The following PRKN variants were observed in gnomAD, a reference collection of about 807,000 sequenced individuals.
PRKN encodes parkin RBR E3 ubiquitin protein ligase.
PRKN carries 56 observed loss-of-function variants against 59.5 expected under a neutral mutation model. That is an observed-to-expected ratio of 0.94 (90% CI 0.76 to 1.18). The LOEUF is 1.18. Among genes scored for constraint, PRKN ranks in the 50% most tolerant of loss-of-function variants. The pLI is 0.00. For missense variants in PRKN, 657 were observed against 596.4 expected (o/e 1.10, Z -1.06); for synonymous variants, 250 against 222.1 (o/e 1.13, Z -1.12).
chr6:161,715,965 G>A, intron 7 of PRKN: 1 of 496,072 alleles, frequency 2.0e-6, no homozygotes, highest in East Asian at 6.8e-5. Flanking sequence ...TAGACAGACT[G>A]GGTGAGAAGC....
chr6:162,401,661 G>A (rs966138940), intron 2 of PRKN, among the ~76,000 whole-genome samples: 2 of 152,056 alleles, frequency 1.3e-5, no homozygotes, highest in Non-Finnish European at 2.9e-5. Context: ...ACCATCATAA[G>A]TTGAGCATCA....
Position 162,402,312 on chromosome 6 carries a change from T to C in PRKN, c.171+40998A>G, listed in dbSNP as rs115131712. Among the ~76,000 whole-genome samples the C allele has an allele frequency of 6.6e-3, 1,003 of 152,152 alleles. 7 individuals are homozygous for C. Among genetic ancestry groups the C allele is most frequent in the Middle Eastern group, 0.014 (4 of 292 alleles). ...CCGATAAGCAGTATTATTCCAGCGTTTGCCAACCATGCTCAGGCATGGAGA... is the reference window on the plus strand; with the variant it reads ...CCGATAAGCAGTATTATTCCAGCGTCTGCCAACCATGCTCAGGCATGGAGA... On this transcript the variant is annotated intron_variant, in intron 2 of 11. Coordinates refer to ENST00000366898, the MANE Select transcript of PRKN (RefSeq NM_004562.3).
chr6:161,984,414 T>C (rs951326758), intron 5 of PRKN, among the ~76,000 whole-genome samples: 28 of 151,962 alleles, frequency 1.8e-4, no homozygotes, highest in Admixed American at 1.7e-3. Context: ...TGTGCTACCA[T>C]GCTGGGTTAA....
chr6:161,756,638 T>C (rs1788939696), intron 7 of PRKN, among the ~76,000 whole-genome samples: 1 of 151,830 alleles, frequency 6.6e-6, no homozygotes, highest in African/African-American at 2.4e-5. Context: ...TTTATGTCTT[T>C]CTTTTTTTTA....
At position 162,054,260 on chromosome 6, in the gene PRKN, T is replaced by A. The variant is rs1240582847; in HGVS notation, c.535-86A>T. The A allele has an allele frequency of 3.4e-6, 3 of 879,276 alleles. No individual in the cohort carries two copies. In the Admixed American group the frequency reaches 5.8e-5, roughly 17 times the overall value. The allele number at this position is 879,276 out of a possible 1,614,324, so 54.5% of individuals were successfully genotyped here. A position where few individuals can be genotyped will look rare whatever the true frequency, so the allele number is the denominator to read the frequency against. ...ACATGTTTCCACTTATGTTATAAAA[T>A]AATAGTGAAATTAGTGTGTAGTCCA... is the stretch of plus-strand genomic sequence containing the variant. On this transcript the variant is annotated intron_variant, in intron 4 of 11. Coordinates refer to ENST00000366898, the MANE Select transcript of PRKN (RefSeq NM_004562.3).
chr6:161,771,396 A>AAAAAAAAAAAAAAAAT (rs1562671030), intron 7 of PRKN, among the ~76,000 whole-genome samples: 2 of 148,288 alleles, frequency 1.3e-5, no homozygotes, highest in South Asian at 2.2e-4. Flanking sequence ...ATAAAATAAA[A>AAAAAAAAAAAAAAAAT]TAAAAGCACT....
At chr6:162,683,863 C>A (rs1281264530) in intron 1 of PRKN, among the ~76,000 whole-genome samples, 1 of 152,052 alleles carries the variant, frequency 6.6e-6, no homozygotes, top group Non-Finnish European at 1.5e-5. Flanking sequence ...GAAAGAAATT[C>A]ATTTGAAAAA....
intron 3 of PRKN, among the ~76,000 whole-genome samples, chr6:162,241,202 A>G (rs186039820): frequency 1.6e-3 from 244 of 152,246 alleles, no homozygotes; most frequent in African/African-American, 4.6e-3. Flanking sequence ...TTAGTCTATC[A>G]TGTAGGAAAA....
intron 6 of PRKN, among the ~76,000 whole-genome samples, chr6:161,911,785 A>G (rs1280966812): frequency 6.6e-6 from 1 of 152,242 alleles, no homozygotes; most frequent in Non-Finnish European, 1.5e-5. Context: ...AAAAAATTAC[A>G]AAGTTTAATT....
intron 6 of PRKN, among the ~76,000 whole-genome samples, chr6:161,964,783 CCA>C (rs1780514582): frequency 6.6e-6 from 1 of 151,998 alleles, no homozygotes; most frequent in African/African-American, 2.4e-5. Flanking sequence ...GAGTTTCTCA[CCA>C]TGCTCCTCAG....
intron 2 of PRKN, among the ~76,000 whole-genome samples, chr6:162,288,355 A>C (rs1368275080): frequency 6.6e-6 from 1 of 152,156 alleles, no homozygotes; most frequent in Non-Finnish European, 1.5e-5. Flanking sequence ...GTGACTATGA[A>C]GAATGCCACC....
intron 2 of PRKN, among the ~76,000 whole-genome samples, chr6:162,361,852 C>T (rs1378040252): frequency 6.6e-6 from 1 of 152,068 alleles, no homozygotes; most frequent in Non-Finnish European, 1.5e-5. Flanking sequence ...TCAAAGCAAA[C>T]CTTGAGGCCA....
At chr6:162,007,131 T>C (rs1782288181) in intron 5 of PRKN, among the ~76,000 whole-genome samples, 1 of 152,152 alleles carries the variant, frequency 6.6e-6, no homozygotes, top group African/African-American at 2.4e-5. Context: ...TAATTTTGCC[T>C]GAAAAAGCAA....
chr6:162,520,799 T>TAA (rs529792174), intron 1 of PRKN, among the ~76,000 whole-genome samples: 16,157 of 148,212 alleles, frequency 0.11, 1,005 homozygotes, highest in African/African-American at 0.17. Flanking sequence ...GCCCTTAGTT[T>TAA]AAAAAAAAAA....
At chr6:162,032,055 C>A (rs1256688656) in intron 5 of PRKN, among the ~76,000 whole-genome samples, 1 of 152,122 alleles carries the variant, frequency 6.6e-6, no homozygotes, top group East Asian at 1.9e-4. Flanking sequence ...ACTGTGTCAT[C>A]AATATTATCT....
rs1036581742 is a variant in PRKN at position 161,470,181 on chromosome 6, T to C, written c.1083+78673A>G. ...CTAAACCTAGACAGTCTGAGCCTTG[T>C]AACCTACACTAAAATAATGGTGTAC... is the stretch of plus-strand genomic sequence containing the variant. On this transcript the variant is annotated intron_variant, in intron 9 of 11. Coordinates refer to ENST00000366898, the MANE Select transcript of PRKN (RefSeq NM_004562.3). The surrounding 1 kb of genome is among the most constrained non-coding windows in gnomAD (Gnocchi z 5.1). Among the ~76,000 whole-genome samples the C allele has an allele frequency of 2.6e-5, 4 of 152,238 alleles. No individual in the cohort carries two copies. The highest frequency in any genetic ancestry group is 9.6e-5 in the African/African-American group (4 of 41,474).
intron 6 of PRKN, among the ~76,000 whole-genome samples, chr6:161,793,643 G>A (rs530602292): frequency 6.6e-6 from 1 of 151,792 alleles, no homozygotes; most frequent in African/African-American, 2.4e-5. Context: ...TTCATAGTGT[G>A]GTAAGCACTA....
chr6:161,441,377 G>A (rs1269925307), intron 9 of PRKN, among the ~76,000 whole-genome samples: 1 of 152,106 alleles, frequency 6.6e-6, no homozygotes, highest in African/African-American at 2.4e-5. Flanking sequence ...AGGTGCGGTG[G>A]TTCATGCCTA....
Position 162,128,772 on chromosome 6 carries a change from T to A in PRKN, c.534+72359A>T, listed in dbSNP as rs79061068. On this transcript the variant is annotated intron_variant, in intron 4 of 11. Transcript: ENST00000366898. ...CTCATGGATGGGATTAGGGCCCTTA[T>A]AAAAGAGGCCCCAGAGAGCTGCCTC... Among the ~76,000 whole-genome samples the A allele has an allele frequency of 2.7e-3, 408 of 152,298 alleles. 3 individuals are homozygous for A. The highest frequency in any genetic ancestry group is 9.2e-3 in the African/African-American group (381 of 41,564).
Sources: gnomAD v4.1 joint callset for allele counts (sites outside exome capture counted in the v4.1 genomes callset) on GRCh38, gnomAD v4.1.1 for gene constraint, Gnocchi (gnomAD v3.1) non-coding constraint, MANE v1.5 for transcripts, NCBI Gene and HGNC (gene_info 2026-07-23, HGNC 2026-07-21) for gene names.